Variants in PACS1 observed in about 807,000 individuals in gnomAD.
PACS1 encodes PACS-1.
In PACS1, 24 loss-of-function variants were observed where a neutral mutation model predicts 115.0. The observed-to-expected ratio is 0.21, with a 90% CI of 0.15 to 0.29. The LOEUF is 0.29. Ranked by LOEUF, PACS1 falls within the 10% of genes least tolerant of loss-of-function variation. PACS1 has a pLI of 1.00. For missense variants in PACS1, 838 were observed against 1,251.2 expected (o/e 0.67, Z 4.98); for synonymous variants, 453 against 504.5 (o/e 0.90, Z 1.37).
chr11:66,179,923 C>G (rs1169743589), intron 1 of PACS1, among the ~76,000 whole-genome samples: 1 of 152,166 alleles, frequency 6.6e-6, no homozygotes, highest in African/African-American at 2.4e-5. Flanking sequence ...ATGATCTCAG[C>G]TCACTGCAAC....
chr11:66,233,143 A>G lies in PACS1; in HGVS notation c.1838+77A>G. 1 of 1,106,360 alleles carries G rather than the reference A, an allele frequency of 9.0e-7. No homozygotes were observed. The highest frequency in any genetic ancestry group is 1.4e-6 in the Non-Finnish European group (1 of 738,420). The allele number at this position is 1,106,360 out of a possible 1,614,324, so 68.5% of individuals were successfully genotyped here. A position where few individuals can be genotyped will look rare whatever the true frequency, so the allele number is the denominator to read the frequency against. ...ATCTTCCAACCCTGACTTCTAAGCA[A>G]TGATAGACCCTCCTGGCCTCATCAG... On this transcript the variant is annotated intron_variant, in intron 15 of 23. Transcript: ENST00000320580. The surrounding 1 kb of genome is among the most constrained non-coding windows in gnomAD (Gnocchi z 4.5).
chr11:66,242,879 GC>G, intron 22 of PACS1, 32 bp from the exon 23 acceptor site: 1 of 1,613,424 alleles, frequency 6.2e-7, no homozygotes, highest in Non-Finnish European at 8.5e-7. Context: ...TTCCCCAGGG[GC>G]TGGGACACAG....
intron 1 of PACS1, among the ~76,000 whole-genome samples, chr11:66,109,374 A>G (rs1039043098): frequency 1.3e-5 from 2 of 152,178 alleles, no homozygotes; most frequent in South Asian, 2.1e-4. Flanking sequence ...CATGGGCAAC[A>G]TAGTGAGACC....
In PACS1 at chr11:66,070,376, C is replaced by A; in HGVS notation, c.-111C>A. The A allele has an allele frequency of 3.5e-6, 2 of 567,630 alleles. No homozygotes were observed. Among genetic ancestry groups the A allele is most frequent in the South Asian group, 8.4e-5 (1 of 11,874 alleles). The allele number at this position is 567,630 out of a possible 1,614,324, so 35.2% of individuals were successfully genotyped here. On this transcript the variant is annotated 5_prime_UTR_variant, in exon 1 of 24. Transcript: ENST00000320580. The surrounding 1 kb of genome is among the most constrained non-coding windows in gnomAD (Gnocchi z 5.9). The stretch of plus-strand genomic sequence containing the variant: ...GTGCAGCTCGCTGGCTGCTCGCGCT[C>A]GGGCAGGCGGGCTGAGGAGGCTGCC...
chr11:66,110,437 G>A, intron 1 of PACS1, among the ~76,000 whole-genome samples: 1 of 151,716 alleles, frequency 6.6e-6, no homozygotes, highest in East Asian at 1.9e-4. Flanking sequence ...TCAGCTTCTC[G>A]AGTAGCTGGG....
intron 4 of PACS1, among the ~76,000 whole-genome samples, chr11:66,213,877 C>G (rs1855136332): frequency 6.6e-6 from 1 of 151,634 alleles, no homozygotes; most frequent in Non-Finnish European, 1.5e-5. Context: ...ACTAAAAATA[C>G]AAAAAATTAG....
intron 1 of PACS1, chr11:66,100,656 G>C (rs993129210): frequency 5.6e-6 from 2 of 357,232 alleles, no homozygotes; most frequent in Admixed American, 7.3e-5. Flanking sequence ...TGCACTTTGG[G>C]CAGAGTTCAG....
intron 1 of PACS1, among the ~76,000 whole-genome samples, chr11:66,177,588 CCTT>C (rs1407495643): frequency 6.6e-6 from 1 of 152,074 alleles, no homozygotes; most frequent in Non-Finnish European, 1.5e-5. Context: ...TAAAAGTCCA[CCTT>C]CTCTTCCTGT....
intron 1 of PACS1, among the ~76,000 whole-genome samples, chr11:66,151,805 CA>C (rs2134609486): frequency 6.6e-6 from 1 of 152,220 alleles, no homozygotes; most frequent in African/African-American, 2.4e-5. Flanking sequence ...ATTTTGCAGG[CA>C]GACTGCAAAG....
At chr11:66,110,453 A>G (rs1010331271) in intron 1 of PACS1, among the ~76,000 whole-genome samples, 1 of 152,116 alleles carries the variant, frequency 6.6e-6, no homozygotes, top group African/African-American at 2.4e-5. Flanking sequence ...CTGGGACCAC[A>G]GGCACCTGCG....
At chr11:66,097,089 A>T (rs914268038) in intron 1 of PACS1, among the ~76,000 whole-genome samples, 1 of 151,784 alleles carries the variant, frequency 6.6e-6, no homozygotes, top group Non-Finnish European at 1.5e-5. Context: ...GAAACTGCCA[A>T]TTTTTTCAAA....
rs187283973 is a variant in PACS1, at chr11:66,123,351, C to T, written c.356+52509C>T. Among the ~76,000 whole-genome samples, 12 of 151,920 alleles carry T rather than the reference C, an allele frequency of 7.9e-5. No homozygotes were observed. The East Asian group carries it at 1.9e-3, about 25-fold the overall frequency. On this transcript the variant is annotated intron_variant, in intron 1 of 23. Transcript: ENST00000320580. ...GGATTATAGGCACGTGCCACCATGTCCAGCTAATTTTTGTATTTTTAGTAG... is the reference window on the plus strand; with the variant it reads ...GGATTATAGGCACGTGCCACCATGTTCAGCTAATTTTTGTATTTTTAGTAG...
intron 1 of PACS1, among the ~76,000 whole-genome samples, chr11:66,111,943 G>C (rs566878065): frequency 3.2e-4 from 48 of 152,306 alleles, no homozygotes; most frequent in African/African-American, 1.1e-3. Context: ...ACTGCACCCA[G>C]CTCAGATTCT....
At chr11:66,126,656 T>G (rs562050207) in intron 1 of PACS1, among the ~76,000 whole-genome samples, 1 of 151,050 alleles carries the variant, frequency 6.6e-6, no homozygotes, top group African/African-American at 2.4e-5. Context: ...TTTTGAGAAT[T>G]GTTAATTTAA....
At chr11:66,102,304 C>CTATTAT (rs546729593) in intron 1 of PACS1, among the ~76,000 whole-genome samples, 89 of 150,504 alleles carry the variant, frequency 5.9e-4, no homozygotes, top group Non-Finnish European at 1.1e-3. Context: ...ATCGGATTTA[C>CTATTAT]TATTATTATT....
At chr11:66,073,388 T>C (rs1306601757) in intron 1 of PACS1, among the ~76,000 whole-genome samples, 1 of 152,236 alleles carries the variant, frequency 6.6e-6, no homozygotes, top group Non-Finnish European at 1.5e-5. Context: ...ATGAGATACA[T>C]GCCCCTTAGA....
In PACS1 at chr11:66,131,304, CAT is replaced by C. The variant is rs1292484453; in HGVS notation, c.356+60463_356+60464del. Among the ~76,000 whole-genome samples, 7 of 152,292 alleles carry C rather than the reference CAT, an allele frequency of 4.6e-5. No homozygotes were observed. The East Asian group carries it at 1.2e-3, about 25-fold the overall frequency. ...ACTTTTGTGAGTTTGGCAGGTTTCA[CAT>C]GTTATTAATATCTTTTTAAACTCAC... On this transcript the variant is annotated intron_variant, in intron 1 of 23. Transcript: ENST00000320580.
chr11:66,182,140 C>T (rs977281772), intron 1 of PACS1, among the ~76,000 whole-genome samples: 14 of 152,254 alleles, frequency 9.2e-5, no homozygotes, highest in African/African-American at 3.1e-4. Flanking sequence ...GGCCTGTTTC[C>T]CAATCCAGAA....
intron 1 of PACS1, among the ~76,000 whole-genome samples, chr11:66,132,611 A>G (rs914486936): frequency 1.3e-5 from 2 of 152,192 alleles, no homozygotes; most frequent in Non-Finnish European, 2.9e-5. Flanking sequence ...CAAGAAAAAA[A>G]AAGTCTGTAC....
Sources: allele counts gnomAD v4.1 joint callset (sites outside exome capture counted in the v4.1 genomes callset), GRCh38; gene constraint gnomAD v4.1.1; non-coding constraint Gnocchi (gnomAD v3.1); transcripts MANE v1.5; gene names NCBI Gene and HGNC (gene_info 2026-07-23, HGNC 2026-07-21).